Variants in ZNF486 observed in about 807,000 individuals in gnomAD.
The protein encoded by ZNF486 is KRAB box only protein 2.
Under a neutral mutation model 12.8 loss-of-function variants are expected in ZNF486, and 12 were observed. The ratio of observed to expected loss-of-function variants is 0.94; its 90% CI spans 0.60 to 1.52. ZNF486 has a LOEUF of 1.52. ZNF486 is among the 40% of genes most tolerant of loss of function. ZNF486 has a pLI of 0.00. For missense variants in ZNF486, 738 were observed against 545.0 expected, an observed-to-expected ratio of 1.35 and a Z score of -3.53; for synonymous variants, 231 against 184.9, an observed-to-expected ratio of 1.25 and a Z score of -2.02.
At chr19:20,167,457 A>C (rs147339135) in intron 1 of ZNF486, 97 bp downstream of exon 1, 4 of 1,420,654 alleles carry the variant, frequency 2.8e-6, no homozygotes, top group Non-Finnish European at 3.9e-6. Flanking sequence ...CAGCTCCACA[A>C]TCTGCGTCCG....
intron 1 of ZNF486, among the ~76,000 whole-genome samples, chr19:20,180,683 C>T (rs1041968246): frequency 2.6e-5 from 4 of 152,154 alleles, no homozygotes; most frequent in Admixed American, 6.5e-5. Context: ...AAGCGATTCT[C>T]CTGCCTCAGC....
chr19:20,195,878 T>A, intron 3 of ZNF486, among the ~76,000 whole-genome samples: 1 of 152,384 alleles, frequency 6.6e-6, no homozygotes, highest in South Asian at 2.1e-4. Context: ...GTCATTCCAA[T>A]GTATATCACC....
At chr19:20,194,543 A>G (rs1207423098) in intron 3 of ZNF486, among the ~76,000 whole-genome samples, 2 of 152,202 alleles carry the variant, frequency 1.3e-5, no homozygotes, top group South Asian at 2.1e-4. Flanking sequence ...CCAGGCTAAC[A>G]TGGTGAAACC....
chr19:20,168,272 T>C (rs1378869013), intron 1 of ZNF486, among the ~76,000 whole-genome samples: 1 of 151,980 alleles, frequency 6.6e-6, no homozygotes, highest in African/African-American at 2.4e-5. Flanking sequence ...GGCACGAGAA[T>C]TGGTTGAACC....
chr19:20,184,030 G>A (rs1275484506), intron 1 of ZNF486, among the ~76,000 whole-genome samples: 1 of 152,046 alleles, frequency 6.6e-6, no homozygotes, highest in Admixed American at 6.5e-5. Flanking sequence ...TGTCTTTTCT[G>A]TCTGAAAAAT....
At chr19:20,168,880 G>T (rs1555713385) in intron 1 of ZNF486, among the ~76,000 whole-genome samples, 1 of 151,866 alleles carries the variant, frequency 6.6e-6, no homozygotes, top group Admixed American at 6.6e-5. Flanking sequence ...TTGCTTTGTG[G>T]CCCAGGCTGG....
At chr19:20,187,206 T>G (rs74661388) in intron 3 of ZNF486, among the ~76,000 whole-genome samples, 11,716 of 152,166 alleles carry the variant, frequency 0.077, 688 homozygotes, top group African/African-American at 0.17. Flanking sequence ...TTTAAGTGTA[T>G]GAGACCATAC....
intron 2 of ZNF486, 126 bp downstream of exon 2, chr19:20,184,608 C>A: frequency 9.1e-7 from 1 of 1,099,546 alleles, no homozygotes; most frequent in Admixed American, 3.0e-5. Flanking sequence ...TCCAGAAAAT[C>A]TTCAGAATTT....
chr19:20,193,864 A>G (rs182155876), intron 3 of ZNF486, among the ~76,000 whole-genome samples: 2 of 151,046 alleles, frequency 1.3e-5, no homozygotes, highest in Admixed American at 1.3e-4. Flanking sequence ...TCTTTTGTGT[A>G]TCTATACAGC....
At chr19:20,179,121 G>T (rs1364909924) in intron 1 of ZNF486, among the ~76,000 whole-genome samples, 1 of 152,174 alleles carries the variant, frequency 6.6e-6, no homozygotes, top group African/African-American at 2.4e-5. Context: ...ATGTTAAAAT[G>T]AAAGTGCAGT....
chr19:20,178,861 C>T (rs782085878), intron 1 of ZNF486, among the ~76,000 whole-genome samples: 4 of 152,196 alleles, frequency 2.6e-5, no homozygotes, highest in Non-Finnish European at 4.4e-5. Flanking sequence ...GATTCAGAGA[C>T]CATGGGGCCC....
intron 3 of ZNF486, among the ~76,000 whole-genome samples, chr19:20,195,827 GCTT>G (rs1356711719): frequency 6.6e-6 from 1 of 152,128 alleles, no homozygotes; most frequent in Non-Finnish European, 1.5e-5. Context: ...CAGTTTCTCT[GCTT>G]CTCTATAATT....
At chr19:20,174,170 T>C (rs1266189166) in intron 1 of ZNF486, among the ~76,000 whole-genome samples, 2 of 152,172 alleles carry the variant, frequency 1.3e-5, no homozygotes, top group Non-Finnish European at 1.5e-5. Flanking sequence ...ACTATGTTTC[T>C]TTGACAGAAA....
intron 1 of ZNF486, among the ~76,000 whole-genome samples, chr19:20,175,783 TC>T (rs1303399247): frequency 1.3e-5 from 2 of 152,174 alleles, no homozygotes; most frequent in South Asian, 2.1e-4. Flanking sequence ...TCCGCACCTT[TC>T]CCCCCTTTCT....
chr19:20,171,345 T>A (rs2089645684), intron 1 of ZNF486, among the ~76,000 whole-genome samples: 1 of 152,214 alleles, frequency 6.6e-6, no homozygotes, highest in Non-Finnish European at 1.5e-5. Flanking sequence ...TTATTGCAGC[T>A]ATCACCACGG....
chr19:20,187,113 C>T lies in ZNF486; in HGVS notation c.253+1031C>T, dbSNP rs186102266. Among the ~76,000 whole-genome samples the T allele has an allele frequency of 4.4e-4, 67 of 151,858 alleles. 1 individual carries two copies. Among genetic ancestry groups the T allele is most frequent in the African/African-American group, 1.6e-3 (65 of 41,440 alleles). On this transcript the variant is annotated intron_variant, in intron 3 of 3. Transcript: ENST00000335117. ...TTTTTTTATTGTAAAGATTTTTTTACCTCCTTGGTTTTTTTCTAAGAAGTT... is the reference window on the plus strand; with the variant it reads ...TTTTTTTATTGTAAAGATTTTTTTATCTCCTTGGTTTTTTTCTAAGAAGTT...
At position 20,185,445 on chromosome 19, in the gene ZNF486, C is replaced by T. The variant is rs2089832475; in HGVS notation, c.158-542C>T. Among the ~76,000 whole-genome samples the T allele has an allele frequency of 3.4e-5, 4 of 116,430 alleles. No individual in the cohort carries two copies. The South Asian group carries it at 1.2e-3, about 34-fold the overall frequency. 76.4% of individuals were successfully genotyped at this position (116,430 alleles called of 152,430 possible). A position where few individuals can be genotyped will look rare whatever the true frequency, so the allele number is the denominator to read the frequency against. The stretch of plus-strand genomic sequence containing the variant: ...TTTTTTTTTGAGATGGAGTCTCGCT[C>T]TGTTGCCCAGGCTGGAGTGCAATGG... On this transcript the variant is annotated intron_variant, in intron 2 of 3. Coordinates refer to ENST00000335117, the MANE Select transcript of ZNF486 (RefSeq NM_052852.4).
chr19:20,167,639 G>T lies in ZNF486; in HGVS notation c.30+279G>T, dbSNP rs10410951. Among the ~76,000 whole-genome samples the T allele has an allele frequency of 6.3e-3, 959 of 152,284 alleles. 7 individuals carry two copies. Among genetic ancestry groups the T allele is most frequent in the African/African-American group, 0.022 (912 of 41,560 alleles). ...CGCAGCTTCGGGTCTCTCCCAGATG[G>T]TGCGGGAACCACGAGAAGGTCATCA... On this transcript the variant is annotated intron_variant, in intron 1 of 3. Coordinates refer to ENST00000335117, the MANE Select transcript of ZNF486 (RefSeq NM_052852.4).
chr19:20,184,845 C>CTCAT (rs1200086146), intron 2 of ZNF486, among the ~76,000 whole-genome samples: 3 of 152,150 alleles, frequency 2.0e-5, no homozygotes, highest in African/African-American at 4.8e-5. Flanking sequence ...GGCGCAGTGG[C>CTCAT]TCATACCTGT....
Sources: gnomAD v4.1 joint callset for allele counts (sites outside exome capture counted in the v4.1 genomes callset) on GRCh38, gnomAD v4.1.1 for gene constraint, MANE v1.5 for transcripts, NCBI Gene and HGNC (gene_info 2026-07-23, HGNC 2026-07-21) for gene names.